The following PRKAG2 variants were observed in gnomAD, a reference collection of about 807,000 sequenced individuals.
PRKAG2 encodes protein kinase AMP-activated non-catalytic subunit gamma 2.
Under a neutral mutation model 69.6 loss-of-function variants are expected in PRKAG2, and 26 were observed. The observed-to-expected ratio is 0.37, with a 90% CI of 0.27 to 0.52. PRKAG2 has a LOEUF of 0.52. PRKAG2 is among the 20% of genes least tolerant of loss of function. The pLI is 0.90. For missense variants in PRKAG2, 557 were observed against 740.0 expected, an observed-to-expected ratio of 0.75 and a Z score of 2.87; for synonymous variants, 293 against 285.0, an observed-to-expected ratio of 1.03 and a Z score of -0.28.
At chr7:151,573,301 T>C (rs561053565) in intron 8 of PRKAG2, among the ~76,000 whole-genome samples, 2 of 149,664 alleles carry the variant, frequency 1.3e-5, no homozygotes, top group African/African-American at 4.9e-5. Flanking sequence ...GGACTACAGA[T>C]GTACACCACC....
intron 3 of PRKAG2, among the ~76,000 whole-genome samples, chr7:151,766,441 C>A (rs1020403383): frequency 1.3e-5 from 2 of 152,182 alleles, no homozygotes; most frequent in African/African-American, 4.8e-5. Context: ...ACAACCTGTA[C>A]TCAGTAACAA....
intron 4 of PRKAG2, among the ~76,000 whole-genome samples, chr7:151,641,818 G>A (rs971859157): frequency 3.3e-5 from 5 of 152,024 alleles, no homozygotes; most frequent in African/African-American, 1.2e-4. Context: ...GCCAATTTTA[G>A]TTTCTGTTAA....
intron 1 of PRKAG2, among the ~76,000 whole-genome samples, chr7:151,812,448 A>T (rs185793182): frequency 6.6e-5 from 10 of 152,316 alleles, no homozygotes; most frequent in Admixed American, 5.9e-4. Flanking sequence ...CCATTAGTTA[A>T]CAGCTGAGCT....
intron 6 of PRKAG2, among the ~76,000 whole-genome samples, chr7:151,580,630 A>G (rs1810188688): frequency 6.6e-6 from 1 of 152,226 alleles, no homozygotes; most frequent in African/African-American, 2.4e-5. Flanking sequence ...GATGGAAAGT[A>G]GTAAGTCAAA....
At position 151,835,040 on chromosome 7, in the gene PRKAG2, C is replaced by T. The variant is rs1310684567; in HGVS notation, c.114+41467G>A. Among the ~76,000 whole-genome samples, 1 of 152,174 alleles carries T rather than the reference C, an allele frequency of 6.6e-6. No individual in the cohort carries two copies. Among genetic ancestry groups the T allele is most frequent in the Non-Finnish European group, 1.5e-5 (1 of 68,028 alleles). ...CCAGAATCCCCCTCATACGCAGATGCCAGCCATGTGGAAAAGGGCCAGCCT... is the reference window on the plus strand; with the variant it reads ...CCAGAATCCCCCTCATACGCAGATGTCAGCCATGTGGAAAAGGGCCAGCCT... On this transcript the variant is annotated intron_variant, in intron 1 of 15. Transcript: ENST00000287878. The surrounding 1 kb of genome is among the most constrained non-coding windows in gnomAD (Gnocchi z 4.1).
intron 4 of PRKAG2, among the ~76,000 whole-genome samples, chr7:151,651,888 A>G (rs1227427755): frequency 6.6e-6 from 1 of 151,208 alleles, no homozygotes; most frequent in Non-Finnish European, 1.5e-5. Flanking sequence ...TGGAGGTTCC[A>G]GAGACTGGGG....
chr7:151,794,611 C>T (rs887684903), intron 1 of PRKAG2, among the ~76,000 whole-genome samples: 11 of 152,360 alleles, frequency 7.2e-5, no homozygotes, highest in East Asian at 3.9e-4. Flanking sequence ...GCCCCTCATG[C>T]GGCTCCCGCG....
chr7:151,786,100 C>T (rs1224250315), intron 2 of PRKAG2, among the ~76,000 whole-genome samples: 1 of 152,130 alleles, frequency 6.6e-6, no homozygotes, highest in Non-Finnish European at 1.5e-5. Flanking sequence ...TCCTGCCAGT[C>T]GAACTCAGCC....
At chr7:151,793,226 A>T (rs1359703402) in intron 1 of PRKAG2, among the ~76,000 whole-genome samples, 1 of 151,522 alleles carries the variant, frequency 6.6e-6, no homozygotes, top group Non-Finnish European at 1.5e-5. Context: ...ACGACCAAAG[A>T]CTCTCCACTG....
chr7:151,693,750 C>A (rs1371994196), intron 3 of PRKAG2, among the ~76,000 whole-genome samples: 1 of 152,172 alleles, frequency 6.6e-6, no homozygotes, highest in Non-Finnish European at 1.5e-5. Context: ...CAGAGAGACC[C>A]CTCCTCCTTC....
intron 15 of PRKAG2, chr7:151,558,915 A>C: frequency 1.0e-6 from 1 of 985,436 alleles, no homozygotes; most frequent in Non-Finnish European, 1.2e-6. Context: ...GAGAGGATGA[A>C]TCGCTTGACT....
intron 3 of PRKAG2, among the ~76,000 whole-genome samples, chr7:151,746,940 T>C (rs1439337383): frequency 6.6e-6 from 1 of 152,264 alleles, no homozygotes; most frequent in African/African-American, 2.4e-5. Flanking sequence ...ACGTCCTGAA[T>C]GAGGAATGAA....
intron 3 of PRKAG2, among the ~76,000 whole-genome samples, chr7:151,686,531 G>T (rs183138583): frequency 6.6e-6 from 1 of 152,150 alleles, no homozygotes. Flanking sequence ...GGTACCAGGC[G>T]TTTATGCAGC....
chr7:151,718,176 T>G (rs1796465399), intron 3 of PRKAG2, among the ~76,000 whole-genome samples: 1 of 152,078 alleles, frequency 6.6e-6, no homozygotes, highest in South Asian at 2.1e-4. Flanking sequence ...CTTACGGTTC[T>G]GGGGGCTGGA....
At chr7:151,646,066 A>G (rs889693643) in intron 4 of PRKAG2, among the ~76,000 whole-genome samples, 1 of 152,294 alleles carries the variant, frequency 6.6e-6, no homozygotes, top group South Asian at 2.1e-4. Context: ...TTATATCTAT[A>G]CTTTCATCAT....
intron 1 of PRKAG2, among the ~76,000 whole-genome samples, chr7:151,798,384 G>A (rs960498780): frequency 5.9e-5 from 9 of 151,864 alleles, no homozygotes; most frequent in African/African-American, 2.2e-4. Flanking sequence ...GCGCAATCTT[G>A]GCTCACTTCA....
Position 151,788,304 on chromosome 7 carries a change from G to A in PRKAG2, c.115-1763C>T, listed in dbSNP as rs1239278298. On this transcript the variant is annotated intron_variant, in intron 1 of 15. Coordinates refer to ENST00000287878, the MANE Select transcript of PRKAG2 (RefSeq NM_016203.4). This position sits in a 1 kb window ranked among gnomAD's most constrained non-coding sequence, Gnocchi z 4.6. ...TTTCTGTGACAGCCATCTTAAGTGG[G>A]CGTGAGCTGGTATCTCATTGTGGTT... Among the ~76,000 whole-genome samples the A allele has an allele frequency of 1.3e-5, 2 of 152,228 alleles. No homozygotes were observed. Among genetic ancestry groups the A allele is most frequent in the Non-Finnish European group, 2.9e-5 (2 of 68,048 alleles).
chr7:151,757,640 C>T (rs2075172961), intron 3 of PRKAG2, among the ~76,000 whole-genome samples: 1 of 152,234 alleles, frequency 6.6e-6, no homozygotes, highest in African/African-American at 2.4e-5. Flanking sequence ...CCGGGACTTA[C>T]TTCCATCCAG....
intron 4 of PRKAG2, among the ~76,000 whole-genome samples, chr7:151,653,412 A>T (rs1828869670): frequency 6.6e-6 from 1 of 152,228 alleles, no homozygotes; most frequent in East Asian, 1.9e-4. Context: ...ATAATTAACA[A>T]AATGTACATA....
Sources: allele counts gnomAD v4.1 joint callset (sites outside exome capture counted in the v4.1 genomes callset), GRCh38; gene constraint gnomAD v4.1.1; non-coding constraint Gnocchi (gnomAD v3.1); transcripts MANE v1.5; gene names NCBI Gene and HGNC (gene_info 2026-07-23, HGNC 2026-07-21).